Variants in NALCN observed in about 807,000 individuals in gnomAD.
The protein encoded by NALCN is sodium leak channel NALCN.
In NALCN, 111 loss-of-function variants were observed where a neutral mutation model predicts 225.3. That is an observed-to-expected ratio of 0.49 (90% CI 0.42 to 0.58). The LOEUF (loss-of-function observed/expected upper bound fraction) is 0.58, where lower values mean the gene tolerates loss of function less well. Ranked by LOEUF, NALCN falls within the 20% of genes least tolerant of loss-of-function variation. NALCN has a pLI of 0.00. For synonymous variants in NALCN, 764 were observed against 769.0 expected (o/e 0.99, Z 0.11); for missense variants, 1,378 against 2,202.4 (o/e 0.63, Z 7.49).
intron 12 of NALCN, among the ~76,000 whole-genome samples, chr13:101,236,619 G>A (rs373104113): frequency 5.9e-5 from 9 of 151,954 alleles, no homozygotes; most frequent in Non-Finnish European, 1.2e-4. Context: ...TGTAGGGGAC[G>A]TGGATGAAAT....
At chr13:101,287,907 GGA>G (rs2043399549) in intron 9 of NALCN, among the ~76,000 whole-genome samples, 2 of 152,160 alleles carry the variant, frequency 1.3e-5, no homozygotes, top group South Asian at 4.1e-4. Context: ...TCTTGGTAAT[GGA>G]GAATCACTAG....
chr13:101,321,863 G>A (rs757639413), intron 7 of NALCN, among the ~76,000 whole-genome samples: 8 of 152,050 alleles, frequency 5.3e-5, no homozygotes, highest in Non-Finnish European at 1.0e-4. Context: ...ACCGGAGAGA[G>A]GACCGGAATT....
chr13:101,068,540 G>C (rs930198790), intron 38 of NALCN, among the ~76,000 whole-genome samples, 155 bp downstream of exon 38: 2 of 152,110 alleles, frequency 1.3e-5, no homozygotes, highest in African/African-American at 4.8e-5. Context: ...GCCTTTCAAA[G>C]GTCTTTTCAG....
chr13:101,241,604 G>A (rs2140167000), intron 11 of NALCN, among the ~76,000 whole-genome samples: 1 of 152,140 alleles, frequency 6.6e-6, no homozygotes, highest in Non-Finnish European at 1.5e-5. Flanking sequence ...CACCATGCCT[G>A]GCTAATTTTT....
At chr13:101,393,794 T>C (rs2047209566) in intron 3 of NALCN, among the ~76,000 whole-genome samples, 1 of 152,046 alleles carries the variant, frequency 6.6e-6, no homozygotes, top group South Asian at 2.1e-4. Flanking sequence ...GCAACAAAAG[T>C]GAACCTCCCT....
Position 101,074,670 on chromosome 13 carries a change from C to T in NALCN, c.3955-8G>A. 1 of 1,591,130 alleles carries T rather than the reference C, an allele frequency of 6.3e-7. No individual in the cohort carries two copies. Among genetic ancestry groups the T allele is most frequent in the Non-Finnish European group, 8.5e-7 (1 of 1,171,808 alleles). On this transcript the variant is annotated splice_region_variant and splice_polypyrimidine_tract_variant and intron_variant, in intron 35 of 43. Coordinates refer to ENST00000251127, the MANE Select transcript of NALCN (RefSeq NM_052867.4). ...GAGCATCTTTAGCGTTACCTGGGGACCAGGGGTGGGAAGCGGGGAGACAGA... is the reference window on the plus strand; with the variant it reads ...GAGCATCTTTAGCGTTACCTGGGGATCAGGGGTGGGAAGCGGGGAGACAGA...
intron 40 of NALCN, among the ~76,000 whole-genome samples, chr13:101,062,440 G>T (rs574868406): frequency 6.6e-6 from 1 of 152,026 alleles, no homozygotes; most frequent in Non-Finnish European, 1.5e-5. Flanking sequence ...AAAGGCTCGC[G>T]ACTTTCTCTG....
At chr13:101,134,446 CTTTG>C (rs879268767) in intron 17 of NALCN, among the ~76,000 whole-genome samples, 15 of 152,094 alleles carry the variant, frequency 9.9e-5, no homozygotes, top group East Asian at 1.9e-4. Context: ...ATAATGTATT[CTTTG>C]TTTATTACAT....
chr13:101,414,990 C>T (rs1255456738), intron 1 of NALCN, among the ~76,000 whole-genome samples: 2 of 147,568 alleles, frequency 1.4e-5, no homozygotes, highest in African/African-American at 5.4e-5. Flanking sequence ...TCTAGAAAAG[C>T]ACGCAGAATG....
chr13:101,177,082 G>A (rs2038987130), intron 14 of NALCN, among the ~76,000 whole-genome samples: 2 of 152,174 alleles, frequency 1.3e-5, no homozygotes, highest in South Asian at 4.1e-4. Flanking sequence ...GCAGCCCTCT[G>A]GAGAGGTCCA....
intron 30 of NALCN, among the ~76,000 whole-genome samples, chr13:101,085,203 G>A (rs940595833): frequency 2.0e-5 from 3 of 152,048 alleles, no homozygotes; most frequent in Non-Finnish European, 2.9e-5. Context: ...AATTATGTAA[G>A]TTGTACATAT....
chr13:101,368,953 C>A (rs1371857664), intron 6 of NALCN: 2 of 304,798 alleles, frequency 6.6e-6, no homozygotes, highest in Admixed American at 4.5e-5. Context: ...TTTCAGTAAG[C>A]TGAGATCATG....
At chr13:101,376,856 A>C (rs760873651) in intron 5 of NALCN, 28 bp from the exon 6 acceptor site, 4 of 1,613,006 alleles carry the variant, frequency 2.5e-6, no homozygotes, top group Non-Finnish European at 3.4e-6. Flanking sequence ...GGTAAAGTAC[A>C]TAAAACTTAC....
chr13:101,137,258 T>C (rs1406935504), intron 17 of NALCN, among the ~76,000 whole-genome samples: 1 of 152,114 alleles, frequency 6.6e-6, no homozygotes, highest in Non-Finnish European at 1.5e-5. Flanking sequence ...TTCCTGGAGA[T>C]ACATCTTGAA....
At chr13:101,415,206 CACATAT>C (rs766010355) in intron 1 of NALCN, among the ~76,000 whole-genome samples, 2 of 104,808 alleles carry the variant, frequency 1.9e-5, no homozygotes, top group Non-Finnish European at 3.6e-5. Flanking sequence ...ACAAATCACA[CACATAT>C]ATATATATAT....
At chr13:101,307,274 T>C (rs1266231826) in intron 7 of NALCN, among the ~76,000 whole-genome samples, 2 of 152,180 alleles carry the variant, frequency 1.3e-5, no homozygotes, top group African/African-American at 2.4e-5. Flanking sequence ...CAGACAACTG[T>C]TGGCCACAAA....
chr13:101,137,184 C>T (rs1431740846), intron 17 of NALCN, among the ~76,000 whole-genome samples: 2 of 152,134 alleles, frequency 1.3e-5, no homozygotes, highest in Admixed American at 6.6e-5. Context: ...ATGAGGAACA[C>T]CAATTCTTCC....
At chr13:101,401,906 T>A (rs551532778) in intron 1 of NALCN, among the ~76,000 whole-genome samples, 56 of 152,300 alleles carry the variant, frequency 3.7e-4, no homozygotes, top group African/African-American at 1.3e-3. Context: ...GTAAAATAAA[T>A]TTAAGTTACA....
At chr13:101,398,497 G>A (rs1291653948) in intron 2 of NALCN, among the ~76,000 whole-genome samples, 2 of 152,302 alleles carry the variant, frequency 1.3e-5, no homozygotes, top group East Asian at 1.9e-4. Flanking sequence ...ACACAGTCGT[G>A]CCTGGCCTAG....
Sources: allele counts gnomAD v4.1 joint callset (sites outside exome capture counted in the v4.1 genomes callset), GRCh38; gene constraint gnomAD v4.1.1; transcripts MANE v1.5; gene names NCBI Gene and HGNC (gene_info 2026-07-23, HGNC 2026-07-21).